The following CYBRD1 variants were observed in gnomAD, a reference collection of about 807,000 sequenced individuals.
The protein encoded by CYBRD1 is plasma membrane ascorbate-dependent reductase CYBRD1.
CYBRD1 carries 14 observed loss-of-function variants against 21.9 expected under a neutral mutation model. The observed-to-expected ratio is 0.64, with a 90% CI of 0.42 to 1.00. The LOEUF (loss-of-function observed/expected upper bound fraction) is 1.00. Ranked by LOEUF, CYBRD1 falls within the 50% of genes least tolerant of loss-of-function variation. The pLI is 0.00. For synonymous variants in CYBRD1, 146 were observed against 136.5 expected, an observed-to-expected ratio of 1.07 and a Z score of -0.48; for missense variants, 328 against 352.5, an observed-to-expected ratio of 0.93 and a Z score of 0.56.
chr2:171,539,735 T>C (rs904923352), intron 1 of CYBRD1: 2 of 151,732 alleles, frequency 1.3e-5, no homozygotes, highest in African/African-American at 4.8e-5. Flanking sequence ...TTTTCTTTTT[T>C]TTTTTTTCCC....
intron 3 of CYBRD1, among the ~76,000 whole-genome samples, chr2:171,553,704 C>T (rs1409493020): frequency 1.3e-5 from 2 of 152,102 alleles, no homozygotes; most frequent in Non-Finnish European, 2.9e-5. Context: ...TTGTATTACT[C>T]TTATGAAACA....
chr2:171,538,857 GTGCGGTCTTGGTTTAC>G (rs1697585922), intron 1 of CYBRD1, among the ~76,000 whole-genome samples: 1 of 152,108 alleles, frequency 6.6e-6, no homozygotes, highest in South Asian at 2.1e-4. Flanking sequence ...GAGTGCAATG[GTGCGGTCTTGGTTTAC>G]TGCAACCTCC....
At chr2:171,525,785 G>T (rs567276800) in intron 1 of CYBRD1, among the ~76,000 whole-genome samples, 56 of 152,164 alleles carry the variant, frequency 3.7e-4, no homozygotes, top group African/African-American at 1.3e-3. Flanking sequence ...ACAAGTATGA[G>T]TCCTTTGAAA....
intron 1 of CYBRD1, among the ~76,000 whole-genome samples, chr2:171,529,400 G>A (rs1697430840): frequency 6.6e-6 from 1 of 151,966 alleles, no homozygotes. Context: ...GCAGGGTGGT[G>A]CATACCTGTA....
chr2:171,550,450 G>A (rs1697782040), intron 2 of CYBRD1, among the ~76,000 whole-genome samples: 1 of 151,970 alleles, frequency 6.6e-6, no homozygotes, highest in African/African-American at 2.4e-5. Context: ...AGAGACAAAA[G>A]GTCTTATAAT....
intron 1 of CYBRD1, 111 bp from the exon 2 acceptor site, chr2:171,541,474 G>A: frequency 9.4e-7 from 1 of 1,068,394 alleles, no homozygotes; most frequent in South Asian, 1.3e-5. Context: ...AGAAGCAAAA[G>A]CCAAGGGAAA....
chr2:171,554,872 G>A lies in CYBRD1; in HGVS notation c.*45G>A, dbSNP rs766055590. ...CATATAACGTCACGTTTCAAAACTA[G>A]CTCTACAGTTTTGCTTCTCCTATTA... On this transcript the variant is annotated 3_prime_UTR_variant, in exon 4 of 4. Coordinates refer to ENST00000321348, the MANE Select transcript of CYBRD1 (RefSeq NM_024843.4). The A allele has an allele frequency of 1.9e-6, 3 of 1,594,564 alleles. No individual in the cohort carries two copies. Among genetic ancestry groups the A allele is most frequent in the East Asian group, 4.5e-5 (2 of 44,462 alleles).
In CYBRD1 at chr2:171,531,394, G is replaced by A. The variant is rs547513802; in HGVS notation, c.193+8656G>A. Among the ~76,000 whole-genome samples the A allele has an allele frequency of 1.2e-3, 181 of 152,090 alleles. 3 individuals carry two copies. Among genetic ancestry groups the A allele is most frequent in the Non-Finnish European group, 2.2e-3 (152 of 67,994 alleles). ...GTGTAAAACAAGTAAGATACAGCTCGGTCTGCAAGCTGTTCCCATTTAATT... is the reference window on the plus strand; with the variant it reads ...GTGTAAAACAAGTAAGATACAGCTCAGTCTGCAAGCTGTTCCCATTTAATT... On this transcript the variant is annotated intron_variant, in intron 1 of 3. Transcript: ENST00000321348.
intron 1 of CYBRD1, among the ~76,000 whole-genome samples, chr2:171,527,224 C>T (rs1439526318): frequency 6.6e-6 from 1 of 151,992 alleles, no homozygotes; most frequent in Non-Finnish European, 1.5e-5. Context: ...AATTTTGTGA[C>T]CAAAACCACA....
rs560292078 is a variant in CYBRD1 at position 171,541,572 on chromosome 2, C to T, written c.194-13C>T. 7.8e-5 allele frequency: 126 copies of T among 1,611,936 alleles called. 2 individuals are homozygous for T. The South Asian group carries it at 1.1e-3, about 14-fold the overall frequency. ...AAACAAAACACATTCTGTGTCCTTTCGTCTTTCCCTAGCCATCATCGTCTA... is the reference window on the plus strand; with the variant it reads ...AAACAAAACACATTCTGTGTCCTTTTGTCTTTCCCTAGCCATCATCGTCTA... On this transcript the variant is annotated splice_polypyrimidine_tract_variant and intron_variant, in intron 1 of 3. Transcript: ENST00000321348.
rs986362449 is a variant in CYBRD1 at position 171,555,977 on chromosome 2, G to A, written c.*1150G>A. 1.3e-5 allele frequency: 2 copies of A among 152,166 alleles called. No homozygotes were observed. The highest frequency in any genetic ancestry group is 2.9e-5 in the Non-Finnish European group (2 of 68,028). 9.4% of individuals were successfully genotyped at this position (152,166 alleles called of 1,614,324 possible). A position where few individuals can be genotyped will look rare whatever the true frequency, so the allele number is the denominator to read the frequency against. On this transcript the variant is annotated 3_prime_UTR_variant, in exon 4 of 4. Transcript: ENST00000321348. Reference sequence around the variant, plus strand: ...CTGGAGTGGGGTGTAGTTATTAAAGGGATGCTTTTTACCTTTTGCTGTTTG... The same window carrying A: ...CTGGAGTGGGGTGTAGTTATTAAAGAGATGCTTTTTACCTTTTGCTGTTTG...
intron 1 of CYBRD1, among the ~76,000 whole-genome samples, chr2:171,538,653 C>T (rs557067860): frequency 6.6e-6 from 1 of 152,146 alleles, no homozygotes; most frequent in South Asian, 2.1e-4. Flanking sequence ...AGAATGGAAC[C>T]AAAGAATAGG....
intron 2 of CYBRD1, among the ~76,000 whole-genome samples, chr2:171,546,914 C>T (rs903112670): frequency 2.0e-5 from 3 of 152,004 alleles, no homozygotes; most frequent in African/African-American, 7.3e-5. Context: ...GAATTGGAGG[C>T]TGGACAGGTA....
chr2:171,552,152 T>C (rs1159887374), intron 2 of CYBRD1, among the ~76,000 whole-genome samples: 1 of 152,232 alleles, frequency 6.6e-6, no homozygotes, highest in Non-Finnish European at 1.5e-5. Flanking sequence ...ATGGAGCCTG[T>C]TAGTTCCTAT....
rs114316293 is a variant in CYBRD1 at position 171,523,155 on chromosome 2, C to T, written c.193+417C>T. 750 of 322,058 alleles carry T rather than the reference C, an allele frequency of 2.3e-3. 5 individuals carry two copies. Among genetic ancestry groups the T allele is most frequent in the African/African-American group, 0.016 (712 of 43,246 alleles). The allele number at this position is 322,058 out of a possible 1,614,324, so 20.0% of individuals were successfully genotyped here. On this transcript the variant is annotated intron_variant, in intron 1 of 3. Coordinates refer to ENST00000321348, the MANE Select transcript of CYBRD1 (RefSeq NM_024843.4). ...CAGCCCACGCGCCCCGGAAAGTCGC[C>T]CCTGTGGACCGAGCCTGCGCGATCG...
intron 1 of CYBRD1, among the ~76,000 whole-genome samples, chr2:171,533,784 T>G (rs1314901091): frequency 6.6e-6 from 1 of 151,586 alleles, no homozygotes; most frequent in South Asian, 2.1e-4. Flanking sequence ...TTTTTTTTTT[T>G]TTTGAGACAG....
intron 2 of CYBRD1, among the ~76,000 whole-genome samples, chr2:171,551,843 A>C (rs1170092833): frequency 6.6e-6 from 1 of 152,218 alleles, no homozygotes; most frequent in Non-Finnish European, 1.5e-5. Context: ...ATTTATACCT[A>C]GCAAACTTGA....
chr2:171,549,644 C>T (rs115682315), intron 2 of CYBRD1, among the ~76,000 whole-genome samples: 3,748 of 152,284 alleles, frequency 0.025, 135 homozygotes, highest in African/African-American at 0.085. Flanking sequence ...GGCTTATTCC[C>T]TTTAGGCTTT....
At position 171,553,452 on chromosome 2, in the gene CYBRD1, T is replaced by C; in HGVS notation, c.509T>C (p.Val170Ala). ...VYSGIVIFGT[V>A]IATALMGLTE... ...TCTGGAATTGTCATCTTTGGAACAG[T>C]GATTGCAACAGCACTTATGGGATTG... Residue 170 changes from valine to alanine, a missense_variant, in exon 3 of 4, where the codon GTG becomes GCG. Physicochemically the swap from Val to Ala is moderately conservative, Grantham distance 64 (BLOSUM62 0). Coordinates refer to ENST00000321348, the MANE Select transcript of CYBRD1 (RefSeq NM_024843.4). The C allele has an allele frequency of 1.2e-6, 2 of 1,613,680 alleles. No individual in the cohort carries two copies. The highest frequency in any genetic ancestry group is 1.7e-6 in the Non-Finnish European group (2 of 1,179,734).
Sources: allele counts gnomAD v4.1 joint callset (sites outside exome capture counted in the v4.1 genomes callset), GRCh38; gene constraint gnomAD v4.1.1; transcripts MANE v1.5; gene names NCBI Gene and HGNC (gene_info 2026-07-23, HGNC 2026-07-21).